The following CDC42 variants were observed in gnomAD, a reference collection of about 807,000 sequenced individuals.
CDC42 encodes the protein cell division cycle 42, also known as cell division control protein 42 homolog.
Under a neutral mutation model 20.8 loss-of-function variants are expected in CDC42, and 1 was observed. The ratio of observed to expected loss-of-function variants is 0.05; its 90% CI spans 0.02 to 0.23. The LOEUF is 0.23. Ranked by LOEUF, CDC42 falls within the 10% of genes least tolerant of loss-of-function variation. The probability of loss-of-function intolerance (pLI) is 1.00; values close to 1 mark genes in which losing one functional copy is unlikely to be tolerated. For missense variants in CDC42, 49 were observed against 227.9 expected (o/e 0.21, Z 5.05); for synonymous variants, 72 against 84.8 (o/e 0.85, Z 0.83).
At chr1:22,062,686 C>G (rs756521085) in intron 1 of CDC42, among the ~76,000 whole-genome samples, 3 of 126,796 alleles carry the variant, frequency 2.4e-5, no homozygotes, top group African/African-American at 9.3e-5. Context: ...CAGTTTGAGA[C>G]GAGCCTGGTA....
At chr1:22,077,156 A>G (rs2124000577) in intron 1 of CDC42, among the ~76,000 whole-genome samples, 1 of 151,998 alleles carries the variant, frequency 6.6e-6, no homozygotes, top group East Asian at 1.9e-4. Flanking sequence ...AACCCTGTCT[A>G]AAAAAAAGAA....
intron 1 of CDC42, among the ~76,000 whole-genome samples, chr1:22,060,619 C>T (rs1185078987): frequency 1.3e-5 from 2 of 152,004 alleles, no homozygotes; most frequent in East Asian, 3.9e-4. Context: ...TATATAAAAG[C>T]AGATGAAGAG....
At chr1:22,072,299 A>G (rs193158103) in intron 1 of CDC42, among the ~76,000 whole-genome samples, 148 of 151,832 alleles carry the variant, frequency 9.7e-4, no homozygotes, top group Middle Eastern at 3.4e-3. Flanking sequence ...GGGTTTCGCC[A>G]TGTTAGCCAG....
intron 1 of CDC42, chr1:22,064,209 A>G (rs1162453251): frequency 6.6e-6 from 1 of 152,140 alleles, no homozygotes; most frequent in Non-Finnish European, 1.5e-5. Context: ...AAAAAACAAA[A>G]AACCTTGTGT....
chr1:22,089,097 C>T (rs1318753046), intron 5 of CDC42, among the ~76,000 whole-genome samples: 1 of 152,096 alleles, frequency 6.6e-6, no homozygotes, highest in Non-Finnish European at 1.5e-5. Flanking sequence ...ACTGATCAAA[C>T]TAAAGAACAT....
intron 1 of CDC42, among the ~76,000 whole-genome samples, chr1:22,056,271 A>G (rs981831969): frequency 6.6e-6 from 1 of 152,138 alleles, no homozygotes; most frequent in African/African-American, 2.4e-5. Context: ...TTGGTCAGCC[A>G]TATCTTTATT....
At chr1:22,057,290 C>T (rs542762057) in intron 1 of CDC42, among the ~76,000 whole-genome samples, 1 of 152,164 alleles carries the variant, frequency 6.6e-6, no homozygotes. Flanking sequence ...CTGTGAGGAC[C>T]CTTCCCCGCC....
chr1:22,094,294 ATTTT>A lies in CDC42; in HGVS notation c.*2795_*2798del, dbSNP rs747002932. On this transcript the variant is annotated 3_prime_UTR_variant, in exon 6 of 6. Transcript: ENST00000656825. Reference sequence around the variant, plus strand: ...GTTTTACTGAACATCCTAGAAATAGATTTTTTTTTTTTTTTTTTTTTGAGACGGA... The same window carrying A: ...GTTTTACTGAACATCCTAGAAATAGATTTTTTTTTTTTTTTTTGAGACGGA... 1.5e-3 allele frequency among the ~76,000 whole-genome samples: 59 copies of A among 38,304 alleles called. 4 individuals carry two copies. In the East Asian group the frequency reaches 0.035, roughly 23 times the overall value. 25.1% of individuals were successfully genotyped at this position (38,304 alleles called of 152,430 possible). A position where few individuals can be genotyped will look rare whatever the true frequency, so the allele number is the denominator to read the frequency against.
intron 1 of CDC42, among the ~76,000 whole-genome samples, chr1:22,062,048 G>A (rs1385638391): frequency 6.6e-6 from 1 of 151,886 alleles, no homozygotes; most frequent in Non-Finnish European, 1.5e-5. Context: ...AAGCAATTCT[G>A]CCTCAGCCTC....
At chr1:22,083,628 G>T (rs911772215) in intron 3 of CDC42, among the ~76,000 whole-genome samples, 4 of 152,036 alleles carry the variant, frequency 2.6e-5, no homozygotes, top group Admixed American at 2.6e-4. Context: ...ATCGTTTTAA[G>T]TGTTCAGTGT....
intron 3 of CDC42, among the ~76,000 whole-genome samples, chr1:22,084,303 A>C (rs1287334004): frequency 8.3e-6 from 1 of 120,694 alleles, no homozygotes; most frequent in Non-Finnish European, 1.7e-5. Context: ...GGTTTGATAT[A>C]GTCACATTCT....
intron 3 of CDC42, among the ~76,000 whole-genome samples, chr1:22,084,122 T>C (rs1359519800): frequency 6.6e-6 from 1 of 152,222 alleles, no homozygotes; most frequent in Non-Finnish European, 1.5e-5. Flanking sequence ...TTGAATAATG[T>C]TGCTATCAAC....
Position 22,100,552 on chromosome 1 carries a change from A to G in CDC42, c.*9035A>G, listed in dbSNP as rs571590500. 28 of 152,338 alleles carry G rather than the reference A, an allele frequency of 1.8e-4. No individual in the cohort carries two copies. The highest frequency in any genetic ancestry group is 6.3e-4 in the African/African-American group (26 of 41,572). The allele number at this position is 152,338 out of a possible 1,614,324, so 9.4% of individuals were successfully genotyped here. On this transcript the variant is annotated 3_prime_UTR_variant, in exon 6 of 6. Coordinates refer to ENST00000656825, the MANE Select transcript of CDC42 (RefSeq NM_001791.4). ...TTTGCCCAAGAGTTGTGAGAGTGAC[A>G]TGAATTGCTATATGTGAGGTTCTTA...
chr1:22,084,585 G>A (rs1257352962), intron 3 of CDC42, among the ~76,000 whole-genome samples: 4 of 151,468 alleles, frequency 2.6e-5, no homozygotes, highest in Non-Finnish European at 2.9e-5. Flanking sequence ...TCACATACAC[G>A]ATTTGCATAT....
Position 22,099,427 on chromosome 1 carries a change from C to T in CDC42, c.*7910C>T. On this transcript the variant is annotated 3_prime_UTR_variant, in exon 6 of 6. Transcript: ENST00000656825. ...CTTTTTATGGAGCAGGACTCTGAGACATCATAATTGCTTGGTATATGCAGC... is the reference window on the plus strand; with the variant it reads ...CTTTTTATGGAGCAGGACTCTGAGATATCATAATTGCTTGGTATATGCAGC... Among the ~76,000 whole-genome samples, 1 of 152,192 alleles carries T rather than the reference C, an allele frequency of 6.6e-6. No individual in the cohort carries two copies. The highest frequency in any genetic ancestry group is 1.5e-5 in the Non-Finnish European group (1 of 68,034).
At chr1:22,064,225 T>C (rs1645396685) in intron 1 of CDC42, 1 of 152,196 alleles carries the variant, frequency 6.6e-6, no homozygotes, top group Non-Finnish European at 1.5e-5. Context: ...TGTGTTTTCC[T>C]AATATTTTGA....
chr1:22,076,431 A>G (rs962970708), intron 1 of CDC42, among the ~76,000 whole-genome samples: 4 of 151,648 alleles, frequency 2.6e-5, no homozygotes, highest in Non-Finnish European at 5.9e-5. Flanking sequence ...GCACTGACAC[A>G]TACACACACA....
rs529179798 is a variant in CDC42 at position 22,088,930 on chromosome 1, A to G, written c.486+2064A>G. ...TTTAAAGAATTTACTGCTGTTTCTG[A>G]TTTATTTTGTGTCTAATGTGACATG... On this transcript the variant is annotated intron_variant, in intron 5 of 5. Coordinates refer to ENST00000656825, the MANE Select transcript of CDC42 (RefSeq NM_001791.4). 6.6e-5 allele frequency among the ~76,000 whole-genome samples: 10 copies of G among 151,948 alleles called. No homozygotes were observed. In the South Asian group the frequency reaches 1.9e-3, roughly 28 times the overall value.
At position 22,098,908 on chromosome 1, in the gene CDC42, G is replaced by C. The variant is rs1645773407; in HGVS notation, c.*7391G>C. Among the ~76,000 whole-genome samples, 1 of 152,184 alleles carries C rather than the reference G, an allele frequency of 6.6e-6. No homozygotes were observed. Among genetic ancestry groups the C allele is most frequent in the South Asian group, 2.1e-4 (1 of 4,816 alleles). On this transcript the variant is annotated 3_prime_UTR_variant, in exon 6 of 6. Coordinates refer to ENST00000656825, the MANE Select transcript of CDC42 (RefSeq NM_001791.4). ...CGAGTAGAAGGTACTACAGGTGTGTGACACCACGCCTGGCTCATTTTTGCA... is the reference window on the plus strand; with the variant it reads ...CGAGTAGAAGGTACTACAGGTGTGTCACACCACGCCTGGCTCATTTTTGCA...
Sources: gnomAD v4.1 joint callset for allele counts (sites outside exome capture counted in the v4.1 genomes callset) on GRCh38, gnomAD v4.1.1 for gene constraint, MANE v1.5 for transcripts, NCBI Gene and HGNC (gene_info 2026-07-23, HGNC 2026-07-21) for gene names.